MYO6: variants seen among roughly 807,000 people sequenced by gnomAD.
MYO6 encodes the protein myosin VI.
Under a neutral mutation model 178.7 loss-of-function variants are expected in MYO6, and 74 were observed. The ratio of observed to expected loss-of-function variants is 0.41; its 90% CI spans 0.34 to 0.50. The LOEUF (loss-of-function observed/expected upper bound fraction) is 0.50, where lower values mean the gene tolerates loss of function less well. Ranked by LOEUF, MYO6 falls within the 20% of genes least tolerant of loss-of-function variation. The pLI is 0.09. For synonymous variants in MYO6, 477 were observed against 504.6 expected, an observed-to-expected ratio of 0.95 and a Z score of 0.73; for missense variants, 1,330 against 1,547.4, an observed-to-expected ratio of 0.86 and a Z score of 2.36.
intron 3 of MYO6, among the ~76,000 whole-genome samples, chr6:75,823,834 G>A (rs897195957): frequency 6.6e-6 from 1 of 152,202 alleles, no homozygotes; most frequent in African/African-American, 2.4e-5. Context: ...TGGAAGTAAT[G>A]TGTATGTTGT....
intron 1 of MYO6, among the ~76,000 whole-genome samples, chr6:75,757,065 CATAT>C (rs1232155385): frequency 1.4e-5 from 2 of 139,980 alleles, no homozygotes; most frequent in South Asian, 2.3e-4. Context: ...TGTATACACA[CATAT>C]ATAGTGTGTA....
intron 3 of MYO6, among the ~76,000 whole-genome samples, chr6:75,826,492 T>C (rs1025057498): frequency 2.0e-5 from 3 of 152,030 alleles, no homozygotes; most frequent in Non-Finnish European, 4.4e-5. Flanking sequence ...AGTTTTTACT[T>C]AGAGGAAGCA....
Position 75,866,548 on chromosome 6 carries a change from C to A in MYO6, c.1697C>A (p.Ala566Glu). Residue 566 changes from alanine to glutamate, a missense_variant, in exon 17 of 35, where the codon GCA becomes GAA. Ala to Glu is a moderately radical substitution (Grantham distance 107, BLOSUM62 -1). This residue lies in a region of MYO6 where 613 missense variants were observed against 816.8 expected (regional missense o/e 0.75). Coordinates refer to ENST00000369977, the MANE Select transcript of MYO6 (RefSeq NM_004999.4). The part of the protein sequence containing the change: ...RLTIPRKSKL[A>E]VHRNIRDDEG... Reference sequence around the variant, plus strand: ...CAGATTCCCAGAAAATCTAAGCTGGCAGTTCATAGGAATATCAGAGACGAC... The same window carrying A: ...CAGATTCCCAGAAAATCTAAGCTGGAAGTTCATAGGAATATCAGAGACGAC... 6.2e-7 allele frequency: 1 copy of A among 1,613,666 alleles called. No homozygotes were observed. The highest frequency in any genetic ancestry group is 8.5e-7 in the Non-Finnish European group (1 of 1,179,664).
At chr6:75,805,788 CTTA>C (rs1770014821) in intron 1 of MYO6, among the ~76,000 whole-genome samples, 1 of 152,044 alleles carries the variant, frequency 6.6e-6, no homozygotes, top group Non-Finnish European at 1.5e-5. Flanking sequence ...CCCAATAATT[CTTA>C]TTATTTTTTT....
chr6:75,811,907 C>T (rs962453591), intron 1 of MYO6, among the ~76,000 whole-genome samples: 1 of 152,164 alleles, frequency 6.6e-6, no homozygotes, highest in African/African-American at 2.4e-5. Flanking sequence ...AGTGATATCC[C>T]ACCATATGGA....
intron 1 of MYO6, among the ~76,000 whole-genome samples, chr6:75,757,395 A>ATG (rs1478749864): frequency 2.0e-5 from 3 of 150,060 alleles, no homozygotes; most frequent in African/African-American, 7.3e-5. Flanking sequence ...ATACACATAT[A>ATG]TATACACACA....
At chr6:75,831,889 CAAAA>C (rs199741161) in intron 5 of MYO6, among the ~76,000 whole-genome samples, 4 of 95,140 alleles carry the variant, frequency 4.2e-5, no homozygotes, top group South Asian at 3.7e-4. Context: ...TACCCTGTCT[CAAAA>C]AAAAAAAAAA....
intron 32 of MYO6, 68 bp from the exon 33 acceptor site, chr6:75,911,604 T>C (rs1780758440): frequency 3.6e-6 from 5 of 1,382,064 alleles, no homozygotes; most frequent in Non-Finnish European, 3.1e-6. Context: ...CTTTATAAAT[T>C]AGAAAAATGC....
At chr6:75,788,636 C>T in intron 1 of MYO6, among the ~76,000 whole-genome samples, 1 of 152,170 alleles carries the variant, frequency 6.6e-6, no homozygotes, top group South Asian at 2.1e-4. Context: ...AGGTGTTTCA[C>T]CATGTTGGCC....
intron 1 of MYO6, among the ~76,000 whole-genome samples, chr6:75,788,495 A>G (rs548580670): frequency 2.6e-5 from 4 of 152,156 alleles, no homozygotes; most frequent in Non-Finnish European, 4.4e-5. Context: ...ACACTCTTCC[A>G]GCAGATCCTG....
chr6:75,784,033 G>A (rs1214611540), intron 1 of MYO6, among the ~76,000 whole-genome samples: 3 of 152,024 alleles, frequency 2.0e-5, no homozygotes, highest in African/African-American at 4.8e-5. Flanking sequence ...GTGCGGTGGC[G>A]CCATCTCCGC....
At position 75,898,359 on chromosome 6, in the gene MYO6, C is replaced by T. The variant is rs964671028; in HGVS notation, c.3138-14C>T. ...CTTTTATGTAACCATATTGTATTAT[C>T]GTTTTTCTTGTAGGGAACAAATGGC... On this transcript the variant is annotated splice_polypyrimidine_tract_variant and intron_variant, in intron 29 of 34. Transcript: ENST00000369977. 1.4e-5 allele frequency: 22 copies of T among 1,587,278 alleles called. No homozygotes were observed. The highest frequency in any genetic ancestry group is 1.7e-5 in the Non-Finnish European group (20 of 1,156,104).
intron 25 of MYO6, 105 bp from the exon 26 acceptor site, chr6:75,889,952 C>T: frequency 1.3e-6 from 1 of 787,614 alleles, no homozygotes; most frequent in East Asian, 2.8e-5. Context: ...TAAAATTTAT[C>T]TTAGCCATTT....
intron 1 of MYO6, among the ~76,000 whole-genome samples, chr6:75,766,156 C>A (rs1442689714): frequency 6.6e-6 from 1 of 152,158 alleles, no homozygotes; most frequent in African/African-American, 2.4e-5. Context: ...AACCCCGTCT[C>A]TACTAAGAAT....
chr6:75,871,672 T>C (rs912916022), intron 19 of MYO6, among the ~76,000 whole-genome samples: 1 of 152,324 alleles, frequency 6.6e-6, no homozygotes, highest in Admixed American at 6.5e-5. Flanking sequence ...CTTTTTAATA[T>C]CCTCTTTGGC....
chr6:75,879,923 A>G lies in MYO6; in HGVS notation c.2181A>G (p.Ala727=), dbSNP rs747965911. The change falls in exon 21 of 35, where the codon GCA becomes GCG. Residue 727 remains alanine (A), a synonymous_variant. Transcript: ENST00000369977. ...AAAAGTATATGCCAGATAAACTTGCAAGATTGGATCCAAGACTATTTTGTA... is the reference window on the plus strand; with the variant it reads ...AAAAGTATATGCCAGATAAACTTGCGAGATTGGATCCAAGACTATTTTGTA... The part of the protein sequence containing the change: ...MYKKYMPDKL[A]RLDPRLFCKA... 19 of 1,614,062 alleles carry G rather than the reference A, an allele frequency of 1.2e-5. No homozygotes were observed. In the South Asian group the frequency reaches 1.9e-4, roughly 16 times the overall value.
chr6:75,888,380 C>T lies in MYO6; in HGVS notation c.2658+1386C>T, dbSNP rs563514978. Reference sequence around the variant, plus strand: ...CTGTAATCCCAGCACTTTGGGAGGCCCAGGCGCAGGGATCACCTGAGCTCA... The same window carrying T: ...CTGTAATCCCAGCACTTTGGGAGGCTCAGGCGCAGGGATCACCTGAGCTCA... On this transcript the variant is annotated intron_variant, in intron 25 of 34. Transcript: ENST00000369977. Among the ~76,000 whole-genome samples, 458 of 152,030 alleles carry T rather than the reference C, an allele frequency of 3.0e-3. 5 individuals are homozygous for T. The highest frequency in any genetic ancestry group is 0.011 in the African/African-American group (440 of 41,464).
At chr6:75,844,331 T>G (rs1336578731) in intron 9 of MYO6, among the ~76,000 whole-genome samples, 1 of 152,130 alleles carries the variant, frequency 6.6e-6, no homozygotes, top group Non-Finnish European at 1.5e-5. Context: ...TAAGAAAACT[T>G]TAAATTATTT....
At chr6:75,827,851 A>G (rs1355129248) in intron 3 of MYO6, among the ~76,000 whole-genome samples, 1 of 152,192 alleles carries the variant, frequency 6.6e-6, no homozygotes, top group East Asian at 1.9e-4. Flanking sequence ...TGGTGGTGCT[A>G]ATAACAGAAA....
Sources: gnomAD v4.1 joint callset for allele counts (sites outside exome capture counted in the v4.1 genomes callset) on GRCh38, gnomAD v4.1.1 for gene constraint, gnomAD v4.1.1 regional missense constraint, MANE v1.5 for transcripts, NCBI Gene and HGNC (gene_info 2026-07-23, HGNC 2026-07-21) for gene names.